Variants in PRH1 observed in about 807,000 individuals in gnomAD.
PRH1 encodes proline rich protein HaeIII subfamily 1.
A neutral mutation model predicts 7.9 loss-of-function variants in PRH1; 7 were observed. That is an observed-to-expected ratio of 0.89 (90% CI 0.50 to 1.67). PRH1 has a LOEUF of 1.67. PRH1 is among the 40% of genes most tolerant of loss of function. The pLI, the probability that PRH1 is intolerant of heterozygous loss-of-function variation, is 0.00. For missense variants in PRH1, 109 were observed against 223.6 expected, an observed-to-expected ratio of 0.49 and a Z score of 3.27; for synonymous variants, 45 against 80.8, an observed-to-expected ratio of 0.56 and a Z score of 2.38.
Position 10,997,411 on chromosome 12 carries a change from T to G in PRH1, c.-125-23690A>C, listed in dbSNP as rs1478971947. 14 of 1,614,008 alleles carry G rather than the reference T, an allele frequency of 8.7e-6. No homozygotes were observed. In the Admixed American group the frequency reaches 2.2e-4, roughly 25 times the overall value. ...AAGTTACGTTTCCTTCACATTCTTC[T>G]GTCCACACATTTATATACGTGTGTT... On this transcript the variant is annotated intron_variant, in intron 1 of 3. Transcript: ENST00000539853.
chr12:10,953,170 C>T lies in PRH1; in HGVS notation c.-59+20485G>A, dbSNP rs146814788. On this transcript the variant is annotated intron_variant, in intron 2 of 3. Coordinates refer to the PRH1 transcript ENST00000539853. ...AACTTCGAAGACTGAAGAATATCAG[C>T]CCACAGAGATGAGAAAGAATCAGCA... 1.4e-4 allele frequency among the ~76,000 whole-genome samples: 21 copies of T among 151,930 alleles called. No individual in the cohort carries two copies. In the East Asian group the frequency reaches 4.1e-3, roughly 29 times the overall value.
intron 2 of PRH1, among the ~76,000 whole-genome samples, chr12:10,941,523 C>A (rs1260628776): frequency 2.0e-5 from 3 of 151,372 alleles, no homozygotes; most frequent in Non-Finnish European, 4.4e-5. Flanking sequence ...CTAACTGTAT[C>A]AAATGTTTGA....
intron 2 of PRH1, among the ~76,000 whole-genome samples, chr12:10,889,930 G>C (rs1949546768): frequency 6.6e-6 from 1 of 151,812 alleles, no homozygotes; most frequent in South Asian, 2.1e-4. Context: ...TGTCTACCTT[G>C]ACCTCATGAA....
intron 2 of PRH1, among the ~76,000 whole-genome samples, chr12:10,971,565 T>A (rs2135952005): frequency 6.6e-6 from 1 of 152,182 alleles, no homozygotes; most frequent in East Asian, 1.9e-4. Flanking sequence ...ACAGTGATAT[T>A]CATGTGTGTG....
chr12:11,058,248 T>C (rs1159220871), intron 1 of PRH1, among the ~76,000 whole-genome samples: 1 of 152,088 alleles, frequency 6.6e-6, no homozygotes, highest in African/African-American at 2.4e-5. Flanking sequence ...ATAATAATTA[T>C]ATATTATTTG....
chr12:10,945,283 G>T (rs181232190), intron 2 of PRH1, among the ~76,000 whole-genome samples: 15 of 152,134 alleles, frequency 9.9e-5, no homozygotes, highest in Admixed American at 5.2e-4. Context: ...TCAGTCTTGG[G>T]AGTATCGGGT....
intron 1 of PRH1, among the ~76,000 whole-genome samples, chr12:10,992,992 G>A (rs1468396682): frequency 6.6e-6 from 1 of 152,106 alleles, no homozygotes; most frequent in Non-Finnish European, 1.5e-5. Context: ...ATTGGTCACC[G>A]ACATGACAAA....
In PRH1 at chr12:10,979,184, T is replaced by C. The variant is rs145553761; in HGVS notation, c.-125-5463A>G. ...ATCACCCCAGTGATGAAATAATCTATACAGCAAGTTCCCATGCCATGCAAT... is the reference window on the plus strand; with the variant it reads ...ATCACCCCAGTGATGAAATAATCTACACAGCAAGTTCCCATGCCATGCAAT... On this transcript the variant is annotated intron_variant, in intron 1 of 3. Coordinates refer to the PRH1 transcript ENST00000539853. 9.8e-4 allele frequency among the ~76,000 whole-genome samples: 149 copies of C among 152,264 alleles called. 1 individual carries two copies. The highest frequency in any genetic ancestry group is 3.2e-3 in the African/African-American group (135 of 41,562).
At chr12:10,994,559 C>T (rs1197290387) in intron 1 of PRH1, among the ~76,000 whole-genome samples, 2 of 152,192 alleles carry the variant, frequency 1.3e-5, no homozygotes, top group Non-Finnish European at 2.9e-5. Context: ...TCTCTTGACT[C>T]AATTTCCACA....
At chr12:11,042,620 A>ATTTTTTTTTTTTTTTTT (rs1337131350) in intron 1 of PRH1, among the ~76,000 whole-genome samples, 22 of 92,898 alleles carry the variant, frequency 2.4e-4, no homozygotes, top group Non-Finnish European at 3.4e-4. Flanking sequence ...TTCCAGGCTC[A>ATTTTTTTTTTTTTTTTT]TTCTTTTTTT....
At chr12:11,040,313 C>T (rs555606793) in intron 1 of PRH1, among the ~76,000 whole-genome samples, 104 of 152,246 alleles carry the variant, frequency 6.8e-4, no homozygotes, top group South Asian at 1.9e-3. Flanking sequence ...AGACAGGAAA[C>T]CAGATTTTCT....
intron 1 of PRH1, among the ~76,000 whole-genome samples, chr12:11,087,949 A>G (rs117759736): frequency 0.052 from 6,011 of 116,582 alleles, 1,860 homozygotes; most frequent in South Asian, 0.13. Flanking sequence ...TCGTTTTATA[A>G]TAATAATAAC....
intron 2 of PRH1, among the ~76,000 whole-genome samples, chr12:10,962,358 T>C (rs1938277190): frequency 1.3e-5 from 2 of 152,086 alleles, no homozygotes; most frequent in Non-Finnish European, 2.9e-5. Context: ...ATCGAGAAAA[T>C]ATATACAAAT....
chr12:11,030,636 A>G (rs1415178489), intron 1 of PRH1: 1 of 1,614,236 alleles, frequency 6.2e-7, no homozygotes. Context: ...AACAAGAGGA[A>G]AAAGATCACA....
chr12:11,127,848 T>C (rs566711168), intron 1 of PRH1, among the ~76,000 whole-genome samples: 1 of 133,920 alleles, frequency 7.5e-6, no homozygotes, highest in Non-Finnish European at 1.7e-5. Flanking sequence ...GGCTCACGCC[T>C]GTAATCCCAG....
chr12:11,026,099 G>A (rs1480188029), intron 1 of PRH1, among the ~76,000 whole-genome samples: 1 of 152,188 alleles, frequency 6.6e-6, no homozygotes, highest in Admixed American at 6.5e-5. Flanking sequence ...ACAGTGGCAG[G>A]ATCATAGTCC....
intron 1 of PRH1, among the ~76,000 whole-genome samples, chr12:11,088,319 G>A (rs1256696947): frequency 9.1e-6 from 1 of 109,588 alleles, no homozygotes; most frequent in Non-Finnish European, 2.1e-5. Flanking sequence ...CCAGCCTCAG[G>A]GACAGAATGA....
At chr12:11,134,688 T>C (rs1592084293) in intron 1 of PRH1, 1 of 164,142 alleles carries the variant, frequency 6.1e-6, no homozygotes, top group East Asian at 1.8e-4. Context: ...GTAGATCGTA[T>C]AGTAAATGTC....
At chr12:10,962,480 T>C (rs921550556) in intron 2 of PRH1, among the ~76,000 whole-genome samples, 2 of 152,226 alleles carry the variant, frequency 1.3e-5, no homozygotes, top group South Asian at 2.1e-4. Context: ...ATCAAGGCTA[T>C]ATATAGCGAT....
Sources: allele counts gnomAD v4.1 joint callset (sites outside exome capture counted in the v4.1 genomes callset), GRCh38; gene constraint gnomAD v4.1.1; transcripts MANE v1.5; gene names NCBI Gene and HGNC (gene_info 2026-07-23, HGNC 2026-07-21).